SLC9C2: variants seen among roughly 807,000 people sequenced by gnomAD.
SLC9C2 encodes sodium/hydrogen exchanger 11.
SLC9C2 carries 75 observed loss-of-function variants against 140.2 expected under a neutral mutation model. The ratio of observed to expected loss-of-function variants is 0.53; its 90% CI spans 0.44 to 0.65. SLC9C2 has a LOEUF of 0.65. Ranked by LOEUF, SLC9C2 falls within the 30% of genes least tolerant of loss-of-function variation. SLC9C2 has a pLI of 0.00. For missense variants in SLC9C2, 1,074 were observed against 1,331.8 expected (o/e 0.81, Z 3.01); for synonymous variants, 375 against 420.9 (o/e 0.89, Z 1.34).
intron 13 of SLC9C2, among the ~76,000 whole-genome samples, chr1:173,541,044 A>G (rs1380879013): frequency 6.6e-6 from 1 of 152,228 alleles, no homozygotes; most frequent in Non-Finnish European, 1.5e-5. Flanking sequence ...TGCCCCAATT[A>G]AAAGACACAG....
intron 5 of SLC9C2, among the ~76,000 whole-genome samples, chr1:173,584,331 G>T (rs1665727115): frequency 1.3e-5 from 2 of 152,180 alleles, no homozygotes; most frequent in African/African-American, 4.8e-5. Context: ...GATTGGTTGT[G>T]ATTTCCAGAG....
rs536983712 is a variant in SLC9C2, at chr1:173,530,073, GA to G, written c.2164-20del. 30 of 1,545,854 alleles carry G rather than the reference GA, an allele frequency of 1.9e-5. No individual in the cohort carries two copies. The highest frequency in any genetic ancestry group is 1.8e-4 in the Middle Eastern group (1 of 5,612). ...CTATTATCTGGAATAATGAGAAGAA[GA>G]AAAAAAAACCTGTACATTTGATGAG... On this transcript the variant is annotated intron_variant, in intron 17 of 27. Transcript: ENST00000367714.
intron 9 of SLC9C2, chr1:173,571,718 G>A (rs929149660): frequency 1.3e-5 from 2 of 152,114 alleles, no homozygotes; most frequent in Non-Finnish European, 2.9e-5. Flanking sequence ...CCACTGAGGT[G>A]TCCTAAGTGC....
rs1427757362 is a variant in SLC9C2, at chr1:173,548,466, A to T, written c.1384T>A (p.Leu462Ile). ...IQEIVQNTIT[L>I]FKTEKILTNV... is the part of the protein sequence containing the mutation. ...GTCAAAATTTTTTCTGTTTTAAATA[A>T]AGTTATTGTGTTCTGTACTATCTCC... Residue 462 changes from leucine to isoleucine, a missense_variant, in exon 12 of 28, where the codon TTA becomes ATA. Transcript: ENST00000367714. The T allele has an allele frequency of 1.2e-6, 2 of 1,613,682 alleles. No individual in the cohort carries two copies. The highest frequency in any genetic ancestry group is 1.7e-6 in the Non-Finnish European group (2 of 1,179,820).
chr1:173,557,161 T>C lies in SLC9C2; in HGVS notation c.1215+179A>G, dbSNP rs1663765359. Among the ~76,000 whole-genome samples, 3 of 152,278 alleles carry C rather than the reference T, an allele frequency of 2.0e-5. No individual in the cohort carries two copies. The South Asian group carries it at 6.2e-4, about 32-fold the overall frequency. On this transcript the variant is annotated intron_variant, in intron 10 of 27. Coordinates refer to ENST00000367714, the MANE Select transcript of SLC9C2 (RefSeq NM_178527.4). ...CACATCCATAACTACTCCATGACTA[T>C]TGGTCCCTTTCACATTCTCAACATA...
At chr1:173,515,482 C>T (rs189224382) in intron 23 of SLC9C2, among the ~76,000 whole-genome samples, 9 of 152,280 alleles carry the variant, frequency 5.9e-5, no homozygotes, top group Non-Finnish European at 1.0e-4. Context: ...CTTCATGAAG[C>T]GTTCATGCTG....
At chr1:173,588,892 G>C (rs1374588407) in intron 4 of SLC9C2, among the ~76,000 whole-genome samples, 1 of 151,902 alleles carries the variant, frequency 6.6e-6, no homozygotes, top group East Asian at 1.9e-4. Flanking sequence ...GGGAAACATA[G>C]TGAGACTCCC....
chr1:173,501,945 G>A (rs1048830231), intron 27 of SLC9C2, among the ~76,000 whole-genome samples: 1 of 152,096 alleles, frequency 6.6e-6, no homozygotes, highest in African/African-American at 2.4e-5. Context: ...TAGGGTGGCT[G>A]TCTAGTTGGG....
chr1:173,530,536 T>C (rs1661509021), intron 17 of SLC9C2, among the ~76,000 whole-genome samples: 1 of 152,132 alleles, frequency 6.6e-6, no homozygotes, highest in Admixed American at 6.6e-5. Flanking sequence ...ATTTCTCCAA[T>C]CATAAGCTAA....
At position 173,509,555 on chromosome 1, in the gene SLC9C2, T is replaced by A. The variant is rs1276793875; in HGVS notation, c.3039+13A>T. 5 of 1,502,824 alleles carry A rather than the reference T, an allele frequency of 3.3e-6. No individual in the cohort carries two copies. The African/African-American group carries it at 7.3e-5, about 22-fold the overall frequency. The allele number at this position is 1,502,824 out of a possible 1,614,324, so 93.1% of individuals were successfully genotyped here. On this transcript the variant is annotated intron_variant, in intron 24 of 27. Transcript: ENST00000367714. ...AAAATTCAATTTATTAATATTTTAA[T>A]CACATAACTTACCTCATCAATAAGA...
chr1:173,572,921 G>A (rs1174134793), intron 9 of SLC9C2, among the ~76,000 whole-genome samples: 1 of 152,206 alleles, frequency 6.6e-6, no homozygotes, highest in Non-Finnish European at 1.5e-5. Context: ...ATTTGATTCA[G>A]TAGGTTGAGA....
chr1:173,536,949 G>C lies in SLC9C2; in HGVS notation c.1648C>G (p.Gln550Glu). 4 of 1,611,020 alleles carry C rather than the reference G, an allele frequency of 2.5e-6. No individual in the cohort carries two copies. Among genetic ancestry groups the C allele is most frequent in the Non-Finnish European group, 3.4e-6 (4 of 1,177,644 alleles). ...IGAAKCYYSI[Q>E]GKFMSIYDVS... ...AAGAAGTGTTATACTTACTTTCCTT[G>C]GATGGAGTAATAGCATTTTGCTGCA... Residue 550 changes from glutamine (Q) to glutamate (E), a missense_variant, in exon 14 of 28, where the codon CAA becomes GAA. Physicochemically the swap from Gln to Glu is conservative, Grantham distance 29 (BLOSUM62 2). Transcript: ENST00000367714.
chr1:173,598,126 T>C, intron 3 of SLC9C2, 94 bp from the exon 4 acceptor site: 2 of 1,349,860 alleles, frequency 1.5e-6, no homozygotes, highest in Non-Finnish European at 2.0e-6. Flanking sequence ...AATTTTAGAA[T>C]CTTTCAGTTT....
intron 23 of SLC9C2, 101 bp downstream of exon 23, chr1:173,517,436 T>G: frequency 1.7e-6 from 2 of 1,150,102 alleles, no homozygotes; most frequent in Non-Finnish European, 2.4e-6. Context: ...CAATAGCTGG[T>G]TGGGTGACTA....
chr1:173,509,336 T>C (rs1659873355), intron 24 of SLC9C2, among the ~76,000 whole-genome samples: 1 of 151,774 alleles, frequency 6.6e-6, no homozygotes, highest in African/African-American at 2.4e-5. Context: ...TCCCAGTTAC[T>C]TGGGAGGCTG....
chr1:173,560,308 T>C (rs773091360), intron 9 of SLC9C2, among the ~76,000 whole-genome samples: 7 of 152,240 alleles, frequency 4.6e-5, no homozygotes, highest in Non-Finnish European at 7.3e-5. Context: ...TCAGGGCCGA[T>C]AGCCCATCCC....
At chr1:173,599,362 A>T (rs1481184924) in intron 3 of SLC9C2, among the ~76,000 whole-genome samples, 55 of 68,108 alleles carry the variant, frequency 8.1e-4, no homozygotes, top group Non-Finnish European at 9.7e-4. Flanking sequence ...ATTTTCCTTG[A>T]TTTTTTTTTT....
Position 173,576,730 on chromosome 1 carries a change from G to T in SLC9C2, c.833C>A (p.Ala278Asp). The change falls in exon 8 of 28, where the codon GCC becomes GAC. Residue 278 changes from alanine (A) to aspartate (D), a missense_variant. Transcript: ENST00000367714. ...VEFLGMSGTL[A>D]LAAVGLNLDS... ...TAAATTCAGTCCTACAGCGGCTAAG[G>T]CAAGAGTGCCTGACATTCCTAAAAA... is the stretch of plus-strand genomic sequence containing the variant. 6.2e-7 allele frequency: 1 copy of T among 1,605,702 alleles called. No homozygotes were observed. Among genetic ancestry groups the T allele is most frequent in the Non-Finnish European group, 8.5e-7 (1 of 1,177,800 alleles).
intron 9 of SLC9C2, among the ~76,000 whole-genome samples, chr1:173,559,922 C>T (rs1053268207): frequency 3.3e-5 from 5 of 152,164 alleles, no homozygotes; most frequent in South Asian, 4.1e-4. Context: ...CAATGTTCTA[C>T]GTCCCCTTCC....
Sources: gnomAD v4.1 joint callset for allele counts (sites outside exome capture counted in the v4.1 genomes callset) on GRCh38, gnomAD v4.1.1 for gene constraint, MANE v1.5 for transcripts, NCBI Gene and HGNC (gene_info 2026-07-23, HGNC 2026-07-21) for gene names.